C12orf57: variants seen among roughly 807,000 people sequenced by gnomAD.
The protein encoded by C12orf57 is protein C10.
In C12orf57, 14 loss-of-function variants were observed where a neutral mutation model predicts 11.3. The observed-to-expected ratio is 1.24, with a 90% CI of 0.82 to 1.94. C12orf57 has a LOEUF of 1.94. C12orf57 is among the 30% of genes most tolerant of loss of function. The pLI is 0.00. For synonymous variants in C12orf57, 100 were observed against 74.6 expected (o/e 1.34, Z -1.76); for missense variants, 229 against 172.4 (o/e 1.33, Z -1.84).
At chr12:6,945,625 C>G (rs1945784717) in intron 2 of C12orf57, 146 bp from the exon 3 acceptor site, 8 of 812,066 alleles carry the variant, frequency 9.9e-6, no homozygotes, top group Admixed American at 4.0e-5. Context: ...CCAAACCACA[C>G]GGGACAGAGG....
At chr12:6,943,810 A>G (rs146258471), upstream of C12orf57, 3,538 of 864,394 alleles carry the variant, frequency 4.1e-3, 16 homozygotes, top group South Asian at 0.014. Context: ...CCAAACACAT[A>G]CGCAGCAGTG....
upstream of C12orf57, chr12:6,943,901 A>T (rs186459407): frequency 8.9e-7 from 1 of 1,120,926 alleles, no homozygotes; most frequent in South Asian, 1.6e-5. Context: ...GTTGCCAATG[A>T]TAGATTGTTT....
chr12:6,944,119 C>T lies in C12orf57; in HGVS notation c.-3C>T, dbSNP rs113296395. 2.1e-3 allele frequency: 3,321 copies of T among 1,614,208 alleles called. 9 individuals are homozygous for T. The highest frequency in any genetic ancestry group is 2.4e-3 in the Non-Finnish European group (2,868 of 1,180,010). On this transcript the variant is annotated 5_prime_UTR_variant, in exon 1 of 3. Coordinates refer to ENST00000229281, the MANE Select transcript of C12orf57 (RefSeq NM_138425.4). ...CCGCTGAACCTAGAGCTTCAGACGC[C>T]CTATGGCGTCCGCCTCGACCCAACC...
upstream of C12orf57, chr12:6,943,836 A>G (rs1015862210): frequency 1.6e-5 from 14 of 876,568 alleles, no homozygotes; most frequent in South Asian, 3.6e-5. Flanking sequence ...GCTCTTTTAG[A>G]ATTTGTCTAG....
Position 6,944,848 on chromosome 12 carries a change from G to GT in C12orf57, c.229+197dup, listed in dbSNP as rs1306415632. On this transcript the variant is annotated intron_variant, in intron 2 of 2. Coordinates refer to ENST00000229281, the MANE Select transcript of C12orf57 (RefSeq NM_138425.4). ...GTGCGTCCGAGTTGCGTTTTGTACA[G>GT]TAGAGGTTCTGTATCCCTTACCCGA... 18 of 1,435,974 alleles carry GT rather than the reference G, an allele frequency of 1.3e-5. No individual in the cohort carries two copies. The Admixed American group carries it at 3.8e-4, about 30-fold the overall frequency. 89.0% of individuals were successfully genotyped at this position (1,435,974 alleles called of 1,614,324 possible).
upstream of C12orf57, chr12:6,943,771 G>A (rs1170368489): frequency 1.6e-5 from 17 of 1,055,652 alleles, no homozygotes; most frequent in African/African-American, 1.7e-4. Context: ...CTCATCAATT[G>A]TGGAGTTCCT....
chr12:6,944,110 T>G lies in C12orf57; in HGVS notation c.-12T>G. The G allele has an allele frequency of 1.9e-6, 3 of 1,614,204 alleles. No homozygotes were observed. The highest frequency in any genetic ancestry group is 1.7e-6 in the Non-Finnish European group (2 of 1,180,008). ...CATTTACCTCCGCTGAACCTAGAGC[T>G]TCAGACGCCCTATGGCGTCCGCCTC... On this transcript the variant is annotated 5_prime_UTR_variant, in exon 1 of 3. Coordinates refer to ENST00000229281, the MANE Select transcript of C12orf57 (RefSeq NM_138425.4).
chr12:6,945,804 A>C lies in C12orf57; in HGVS notation c.263A>C (p.Tyr88Ser). ...AAGTTTGCTCGCTTGGTCAAGTCCTACGAAGCCCAGGATCCTGAGATCGCC... is the reference window on the plus strand; with the variant it reads ...AAGTTTGCTCGCTTGGTCAAGTCCTCCGAAGCCCAGGATCCTGAGATCGCC... ...VLKFARLVKS[Y>S]EAQDPEIASL... The change falls in exon 3 of 3, where the codon TAC becomes TCC. Residue 88 changes from tyrosine to serine, a missense_variant. Tyr to Ser is a moderately radical substitution (Grantham distance 144). Transcript: ENST00000229281. The C allele has an allele frequency of 1.9e-6, 3 of 1,613,720 alleles. No homozygotes were observed. In the South Asian group the frequency reaches 3.3e-5, roughly 18 times the overall value.
At chr12:6,943,922 A>C (rs3087835), upstream of C12orf57, 48 of 1,314,756 alleles carry the variant, frequency 3.7e-5, no homozygotes, top group Admixed American at 9.3e-4. Flanking sequence ...TCACTGTGCA[A>C]AAATTATGGG....
In C12orf57 at chr12:6,944,084, C is replaced by T. The variant is rs782065914; in HGVS notation, c.-38C>T. On this transcript the variant is annotated 5_prime_UTR_variant, in exon 1 of 3. Coordinates refer to ENST00000229281, the MANE Select transcript of C12orf57 (RefSeq NM_138425.4). ...ACGTGGCTCTTTATTCGTGAGTTTT[C>T]CATTTACCTCCGCTGAACCTAGAGC... 35 of 1,613,460 alleles carry T rather than the reference C, an allele frequency of 2.2e-5. No individual in the cohort carries two copies. The Admixed American group carries it at 3.5e-4, about 16-fold the overall frequency.
upstream of C12orf57, chr12:6,943,559 C>T (rs1945682443): frequency 1.6e-6 from 2 of 1,289,256 alleles, no homozygotes; most frequent in Admixed American, 2.3e-5. Context: ...GGCTTAACAA[C>T]AACGAAGGGG....
upstream of C12orf57, chr12:6,943,862 T>G (rs782247139): frequency 2.3e-5 from 22 of 939,034 alleles, no homozygotes; most frequent in Non-Finnish European, 3.0e-5. Flanking sequence ...TTTCTGGCTT[T>G]TTACCGGAAA....
upstream of C12orf57, chr12:6,943,867 C>CG (rs1234047971): frequency 7.5e-6 from 7 of 939,242 alleles, no homozygotes; most frequent in Admixed American, 3.1e-5. Context: ...GGCTTTTTAC[C>CG]GGAAAGCCCC....
upstream of C12orf57, chr12:6,944,008 GC>G: frequency 6.3e-7 from 1 of 1,599,728 alleles, no homozygotes. Context: ...TTCCGGCTGC[GC>G]CGGATGCTGT....
At chr12:6,943,689 C>G, upstream of C12orf57, 7 of 1,281,776 alleles carry the variant, frequency 5.5e-6, no homozygotes, top group Non-Finnish European at 7.1e-6. Flanking sequence ...ATTATTTTTC[C>G]TACTGAAAGT....
chr12:6,943,933 T>G (rs74057227), upstream of C12orf57: 626 of 1,345,458 alleles, frequency 4.7e-4, no homozygotes, highest in Non-Finnish European at 6.0e-4. Flanking sequence ...AAATTATGGG[T>G]AGTTTTGGTG....
Position 6,945,780 on chromosome 12 carries a change from A to AGTTTGCTCGCTTG in C12orf57, c.242_254dup (p.Lys86CysfsTer13). 2 of 1,613,632 alleles carry AGTTTGCTCGCTTG rather than the reference A, an allele frequency of 1.2e-6. No homozygotes were observed. The highest frequency in any genetic ancestry group is 8.5e-7 in the Non-Finnish European group (1 of 1,179,880). ...CCACTCCCTCTTGCAGGTGTCCTTA[A>AGTTTGCTCGCTTG]GTTTGCTCGCTTGGTCAAGTCCTAC... On this transcript the variant is annotated frameshift_variant, in exon 3 of 3. Transcript: ENST00000229281. LOFTEE classifies it high-confidence loss of function.
intron 2 of C12orf57, 127 bp downstream of exon 2, chr12:6,944,779 A>T (rs1359139706): frequency 2.0e-6 from 3 of 1,533,440 alleles, no homozygotes; most frequent in Non-Finnish European, 1.8e-6. Context: ...CCACAATCTG[A>T]CTAACATTCT....
chr12:6,944,272 C>T, intron 1 of C12orf57, 99 bp downstream of exon 1: 2 of 1,605,084 alleles, frequency 1.2e-6, no homozygotes, highest in Non-Finnish European at 8.5e-7. Context: ...TGTGGGGCGA[C>T]AAACCTGGCT....
Sources: gnomAD v4.1 joint callset for allele counts on GRCh38, gnomAD v4.1.1 for gene constraint, MANE v1.5 for transcripts, NCBI Gene and HGNC (gene_info 2026-07-23, HGNC 2026-07-21) for gene names.